CTBP2: variants seen among roughly 807,000 people sequenced by gnomAD.
CTBP2 encodes C-terminal binding protein 2, also known as C-terminal-binding protein 2.
A neutral mutation model predicts 80.3 loss-of-function variants in CTBP2; 30 were observed. The observed-to-expected ratio is 0.37, with a 90% confidence interval of 0.28 to 0.51. CTBP2 has a LOEUF of 0.51. Ranked by LOEUF, CTBP2 falls within the 20% of genes least tolerant of loss-of-function variation. The pLI, the probability that CTBP2 is intolerant of heterozygous loss-of-function variation, is 0.93. For missense variants in CTBP2, 1,212 were observed against 1,375.3 expected, an observed-to-expected ratio of 0.88 and a Z score of 1.88; for synonymous variants, 594 against 587.4, an observed-to-expected ratio of 1.01 and a Z score of -0.16.
At chr10:125,095,050 C>A (rs1374786598) in intron 2 of CTBP2, among the ~76,000 whole-genome samples, 1 of 151,972 alleles carries the variant, frequency 6.6e-6, no homozygotes, top group African/African-American at 2.4e-5. Context: ...AAGAAGCTGA[C>A]CCACAGCCAA....
chr10:125,043,545 T>C (rs578099006), intron 2 of CTBP2, among the ~76,000 whole-genome samples: 2 of 152,264 alleles, frequency 1.3e-5, no homozygotes, highest in South Asian at 4.1e-4. Flanking sequence ...CACGCCATTC[T>C]CCTCCCTCAC....
At chr10:125,155,069 C>T (rs1032520185) in intron 1 of CTBP2, among the ~76,000 whole-genome samples, 1 of 152,194 alleles carries the variant, frequency 6.6e-6, no homozygotes, top group African/African-American at 2.4e-5. Flanking sequence ...GTTTACTTTC[C>T]TTGAGGAACT....
chr10:125,031,207 G>A (rs563766993), upstream of CTBP2, among the ~76,000 whole-genome samples: 1 of 152,194 alleles, frequency 6.6e-6, no homozygotes, highest in East Asian at 1.9e-4. Context: ...AGTTTTCTTG[G>A]GCCGGGTGCC....
chr10:125,046,113 C>G lies in CTBP2; in HGVS notation c.-101-6958G>C, dbSNP rs529879413. ...TTCCACAATCTATTACGGTGTACCC[C>G]CCAAATCATCTAAATGCCTGTGCCA... On this transcript the variant is annotated intron_variant, in intron 2 of 10. Transcript: ENST00000337195. 4.1e-4 allele frequency among the ~76,000 whole-genome samples: 63 copies of G among 152,228 alleles called. 1 individual carries two copies. In the South Asian group the frequency reaches 0.013, roughly 31 times the overall value.
chr10:125,026,580 T>C lies in CTBP2; in HGVS notation c.1180A>G (p.Thr394Ala), dbSNP rs777224047. Residue 394 changes from threonine to alanine, a missense_variant, in exon 1 of 9, where the codon ACA becomes GCA. Physicochemically the swap from Thr to Ala is moderately conservative, Grantham distance 58. Coordinates refer to ENST00000309035, the MANE Select transcript of CTBP2 (RefSeq NM_022802.3). ...GGGTCTCCAGCTCGGGGGGATGCTG[T>C]CTGCAGAGGAGCCGCAGCGCCCAGA... 1.4e-5 allele frequency: 21 copies of C among 1,530,326 alleles called. No individual in the cohort carries two copies. In the Admixed American group the frequency reaches 2.8e-4, roughly 21 times the overall value. 94.8% of individuals were successfully genotyped at this position (1,530,326 alleles called of 1,614,324 possible).
In CTBP2 at chr10:125,066,811, G is replaced by C. The variant is rs189943672; in HGVS notation, c.-101-27656C>G. Among the ~76,000 whole-genome samples, 2 of 152,122 alleles carry C rather than the reference G, an allele frequency of 1.3e-5. No individual in the cohort carries two copies. Among genetic ancestry groups the C allele is most frequent in the African/African-American group, 4.8e-5 (2 of 41,400 alleles). On this transcript the variant is annotated intron_variant, in intron 2 of 10. Coordinates refer to the CTBP2 transcript ENST00000337195. This position sits in a 1 kb window ranked among gnomAD's most constrained non-coding sequence, Gnocchi z 4.1. ...CAAAAAAGGAACTAGCCCATGTGTC[G>C]ATCAGTAAATGCCTCAGGGTGAACT...
At chr10:124,992,883 G>C (rs1275653577) in intron 7 of CTBP2, 71 bp from the exon 10 acceptor site, 1 of 1,182,230 alleles carries the variant, frequency 8.5e-7, no homozygotes, top group African/African-American at 1.5e-5. Flanking sequence ...TACACCTGTA[G>C]CTGCTTATGT....
chr10:125,125,313 T>C (rs1440232994), intron 1 of CTBP2, among the ~76,000 whole-genome samples: 1 of 152,220 alleles, frequency 6.6e-6, no homozygotes, highest in Non-Finnish European at 1.5e-5. Context: ...ATGCTATATT[T>C]AAACACAGAG....
chr10:125,128,186 C>T (rs556719122), intron 1 of CTBP2, among the ~76,000 whole-genome samples: 17 of 152,276 alleles, frequency 1.1e-4, no homozygotes, highest in South Asian at 4.1e-4. Flanking sequence ...CATCCTCACA[C>T]GGAAGCAAAC....
At chr10:125,125,375 T>C (rs566485929) in intron 1 of CTBP2, among the ~76,000 whole-genome samples, 36 of 152,356 alleles carry the variant, frequency 2.4e-4, no homozygotes, top group African/African-American at 7.7e-4. Flanking sequence ...ATAAGCCTTA[T>C]ATTTCAGCCC....
chr10:125,086,114 C>A (rs774106965), intron 2 of CTBP2, among the ~76,000 whole-genome samples: 2 of 152,180 alleles, frequency 1.3e-5, no homozygotes, highest in African/African-American at 2.4e-5. Context: ...ATGTTTGTGT[C>A]CCCCTGCAAA....
At chr10:124,992,955 A>C in intron 7 of CTBP2, 143 bp from the exon 10 acceptor site, 1 of 833,110 alleles carries the variant, frequency 1.2e-6, no homozygotes, top group Non-Finnish European at 1.9e-6. Context: ...GAGCTCTTCA[A>C]CACTGACCTT....
intron 2 of CTBP2, among the ~76,000 whole-genome samples, chr10:125,050,376 A>G (rs1049080454): frequency 1.3e-5 from 2 of 152,268 alleles, no homozygotes; most frequent in Non-Finnish European, 2.9e-5. Flanking sequence ...TCTTAGTCTT[A>G]TCCACAGTTA....
chr10:125,115,341 A>G (rs1853061280), intron 1 of CTBP2, among the ~76,000 whole-genome samples: 1 of 152,160 alleles, frequency 6.6e-6, no homozygotes, highest in Admixed American at 6.5e-5. Context: ...AAAAGAGAAA[A>G]CTGGAATGTG....
chr10:125,137,832 A>C (rs1427001377), intron 1 of CTBP2, among the ~76,000 whole-genome samples: 1 of 152,084 alleles, frequency 6.6e-6, no homozygotes, highest in Non-Finnish European at 1.5e-5. Flanking sequence ...ATCAAATCAC[A>C]CACCAAAACG....
chr10:125,064,816 CAG>C (rs560007277), intron 2 of CTBP2, among the ~76,000 whole-genome samples: 43 of 152,276 alleles, frequency 2.8e-4, no homozygotes, highest in African/African-American at 1.0e-3. Context: ...TGGTTAAAGA[CAG>C]AGGAAGAAAA....
chr10:124,998,198 AT>A, intron 3 of CTBP2, 28 bp from the exon 6 acceptor site: 1 of 1,577,770 alleles, frequency 6.3e-7, no homozygotes, highest in South Asian at 1.2e-5. Flanking sequence ...AAGGCCGGAG[AT>A]GAGAAAACCT....
chr10:125,077,945 G>C (rs1350800419), intron 2 of CTBP2, among the ~76,000 whole-genome samples: 1 of 152,296 alleles, frequency 6.6e-6, no homozygotes, highest in Middle Eastern at 3.4e-3. Flanking sequence ...CTGATGGGGG[G>C]AGGTGGGGGC....
At position 124,986,639 on chromosome 10, in the gene CTBP2, ATG is replaced by A. The variant is rs560136450; in HGVS notation, c.*2877_*2878del. On this transcript the variant is annotated 3_prime_UTR_variant, in exon 9 of 9. Transcript: ENST00000309035. ...TGCTGCTGTTTGTTTCAAGTGGTGA[ATG>A]TGTTGTTAAAAATTGGCTGTTTGCT... 18 of 152,302 alleles carry A rather than the reference ATG, an allele frequency of 1.2e-4. No homozygotes were observed. The East Asian group carries it at 2.9e-3, about 24-fold the overall frequency. 9.4% of individuals were successfully genotyped at this position (152,302 alleles called of 1,614,324 possible). A position where few individuals can be genotyped will look rare whatever the true frequency, so the allele number is the denominator to read the frequency against.
Sources: allele counts gnomAD v4.1 joint callset (sites outside exome capture counted in the v4.1 genomes callset), GRCh38; gene constraint gnomAD v4.1.1; non-coding constraint Gnocchi (gnomAD v3.1); transcripts MANE v1.5; gene names NCBI Gene and HGNC (gene_info 2026-07-23, HGNC 2026-07-21).